Variants in TAFA5 observed in about 807,000 individuals in gnomAD.
TAFA5 encodes TAFA chemokine like family member 5.
A neutral mutation model predicts 15.3 loss-of-function variants in TAFA5; 6 were observed. That is an observed-to-expected ratio of 0.39 (90% CI 0.21 to 0.77). TAFA5 has a LOEUF of 0.77. TAFA5 is among the 30% of genes least tolerant of loss of function. The probability of loss-of-function intolerance (pLI) is 0.41; values close to 1 mark genes in which losing one functional copy is unlikely to be tolerated. For missense variants in TAFA5, 161 were observed against 193.1 expected (o/e 0.83, Z 0.98); for synonymous variants, 103 against 80.7 (o/e 1.28, Z -1.48).
chr22:48,601,831 C>A (rs1487543997), intron 1 of TAFA5, among the ~76,000 whole-genome samples: 2 of 152,238 alleles, frequency 1.3e-5, no homozygotes, highest in African/African-American at 4.8e-5. Flanking sequence ...CGTTTCACTC[C>A]TTTGGCATAT....
chr22:48,579,837 G>A (rs1411794465), intron 1 of TAFA5, among the ~76,000 whole-genome samples: 2 of 152,292 alleles, frequency 1.3e-5, no homozygotes, highest in East Asian at 3.9e-4. Flanking sequence ...AGGTTTCTGG[G>A]CTTTGGCACC....
intron 1 of TAFA5, among the ~76,000 whole-genome samples, chr22:48,521,210 G>A (rs1921588909): frequency 6.6e-6 from 1 of 152,252 alleles, no homozygotes; most frequent in African/African-American, 2.4e-5. Flanking sequence ...GCAGGACATT[G>A]CTTTTACAGG....
At chr22:48,641,081 G>A (rs201856844) in intron 1 of TAFA5, among the ~76,000 whole-genome samples, 209 of 114,356 alleles carry the variant, frequency 1.8e-3, no homozygotes, top group East Asian at 5.3e-3. Context: ...TGTTGGGGCA[G>A]TGAGAACAGT....
At chr22:48,558,609 T>C (rs1462019480) in intron 1 of TAFA5, among the ~76,000 whole-genome samples, 3 of 152,216 alleles carry the variant, frequency 2.0e-5, no homozygotes, top group African/African-American at 7.2e-5. Context: ...TCTTCATTGC[T>C]GTGGAATATT....
intron 1 of TAFA5, among the ~76,000 whole-genome samples, chr22:48,514,442 C>G (rs1341702783): frequency 1.3e-5 from 2 of 152,224 alleles, no homozygotes; most frequent in East Asian, 3.8e-4. Flanking sequence ...TTCGCCATGA[C>G]TTTTGAGTCT....
intron 2 of TAFA5, among the ~76,000 whole-genome samples, chr22:48,680,490 C>CGGA (rs3059739): frequency 6.6e-6 from 1 of 151,594 alleles, no homozygotes; most frequent in African/African-American, 2.4e-5. Context: ...TAAGAGGTGA[C>CGGA]GGCAGCACAC....
chr22:48,532,916 G>T (rs1055317469), intron 1 of TAFA5, among the ~76,000 whole-genome samples: 1 of 152,218 alleles, frequency 6.6e-6, no homozygotes, highest in Non-Finnish European at 1.5e-5. Flanking sequence ...TCCATGTCCA[G>T]GGTGAGAAAG....
intron 2 of TAFA5, among the ~76,000 whole-genome samples, chr22:48,694,285 A>G (rs568667228): frequency 1.1e-4 from 16 of 152,354 alleles, no homozygotes; most frequent in African/African-American, 3.4e-4. Flanking sequence ...AAGGGCCCCA[A>G]CGCTCAGAAA....
At chr22:48,499,266 C>T (rs2147094831) in intron 1 of TAFA5, among the ~76,000 whole-genome samples, 1 of 152,340 alleles carries the variant, frequency 6.6e-6, no homozygotes, top group Admixed American at 6.5e-5. Context: ...CAATCAAACA[C>T]TCCCGCACCG....
intron 1 of TAFA5, among the ~76,000 whole-genome samples, chr22:48,643,852 G>A (rs1926769875): frequency 6.6e-6 from 1 of 152,212 alleles, no homozygotes; most frequent in South Asian, 2.1e-4. Flanking sequence ...GGAAGGGTCT[G>A]GGGTCAAGGT....
At chr22:48,686,056 T>C (rs1928344724) in intron 2 of TAFA5, among the ~76,000 whole-genome samples, 1 of 150,260 alleles carries the variant, frequency 6.7e-6, no homozygotes, top group Non-Finnish European at 1.5e-5. Flanking sequence ...GCCCCGGGAG[T>C]TGGAAGGGGT....
intron 1 of TAFA5, among the ~76,000 whole-genome samples, chr22:48,512,780 G>T (rs1020121005): frequency 6.6e-6 from 1 of 151,872 alleles, no homozygotes; most frequent in African/African-American, 2.4e-5. Context: ...AAAATTACCC[G>T]GGGGTGGTGG....
intron 2 of TAFA5, among the ~76,000 whole-genome samples, chr22:48,658,720 G>A (rs1204472500): frequency 6.6e-6 from 1 of 152,244 alleles, no homozygotes; most frequent in Admixed American, 6.5e-5. Context: ...CAGTGCTGCA[G>A]AGAACGTCTC....
rs144200618 is a variant in TAFA5, at chr22:48,495,862, C to A, written c.112+6158C>A. Among the ~76,000 whole-genome samples, 85 of 152,336 alleles carry A rather than the reference C, an allele frequency of 5.6e-4. 2 individuals carry two copies. In the East Asian group the frequency reaches 6.6e-3, roughly 12 times the overall value. ...TCAGGGCGCCCAAAGCTGAGCCCTC[C>A]GGCCCAGGTGGGAGTCTCCATCCCT... On this transcript the variant is annotated intron_variant, in intron 1 of 3. Transcript: ENST00000402357.
chr22:48,514,874 T>C (rs1461461516), intron 1 of TAFA5, among the ~76,000 whole-genome samples: 1 of 152,206 alleles, frequency 6.6e-6, no homozygotes, highest in Non-Finnish European at 1.5e-5. Context: ...TGGGTGGCGT[T>C]TCCACAAATC....
chr22:48,634,120 G>GCTCGCTCACTCA (rs1555894540), intron 1 of TAFA5, among the ~76,000 whole-genome samples: 3 of 150,742 alleles, frequency 2.0e-5, no homozygotes, highest in African/African-American at 7.3e-5. Flanking sequence ...TCACTCACTC[G>GCTCGCTCACTCA]CTCACTCACT....
intron 2 of TAFA5, among the ~76,000 whole-genome samples, chr22:48,666,281 G>T (rs893852950): frequency 6.6e-6 from 1 of 152,192 alleles, no homozygotes; most frequent in South Asian, 2.1e-4. Context: ...CGAGAAATGA[G>T]CCATGGGGCT....
At chr22:48,708,201 G>A (rs895567986) in intron 3 of TAFA5, among the ~76,000 whole-genome samples, 2 of 152,164 alleles carry the variant, frequency 1.3e-5, no homozygotes, top group African/African-American at 2.4e-5. Context: ...GGAGGCATCC[G>A]CCCCTCCTGA....
At position 48,644,351 on chromosome 22, in the gene TAFA5, C is replaced by T. The variant is rs79232913; in HGVS notation, c.113-2246C>T. 2.2e-3 allele frequency among the ~76,000 whole-genome samples: 339 copies of T among 152,310 alleles called. 8 individuals carry two copies. In the East Asian group the frequency reaches 0.053, roughly 24 times the overall value. On this transcript the variant is annotated intron_variant, in intron 1 of 3. Coordinates refer to ENST00000402357, the MANE Select transcript of TAFA5 (RefSeq NM_001082967.3). Reference sequence around the variant, plus strand: ...CTGTGAACTTATGCCACCCCCTCCCCGCAGCCACGCACCAGCCATGACTCA... The same window carrying T: ...CTGTGAACTTATGCCACCCCCTCCCTGCAGCCACGCACCAGCCATGACTCA...
Sources: gnomAD v4.1 joint callset for allele counts (sites outside exome capture counted in the v4.1 genomes callset) on GRCh38, gnomAD v4.1.1 for gene constraint, MANE v1.5 for transcripts, NCBI Gene and HGNC (gene_info 2026-07-23, HGNC 2026-07-21) for gene names.